Variants in DNAH1 observed in about 807,000 individuals in gnomAD.
DNAH1 encodes the protein axonemal beta dynein heavy chain 1.
DNAH1 carries 327 observed loss-of-function variants against 484.3 expected under a neutral mutation model. The ratio of observed to expected loss-of-function variants is 0.68; its 90% CI spans 0.62 to 0.74. The LOEUF (loss-of-function observed/expected upper bound fraction) is 0.74. Ranked by LOEUF, DNAH1 falls within the 30% of genes least tolerant of loss-of-function variation. The pLI is 0.00. For missense variants in DNAH1, 5,052 were observed against 5,546.8 expected (o/e 0.91, Z 2.83); for synonymous variants, 2,192 against 2,191.9 (o/e 1.00, Z 0.00).
chr3:52,399,506 A>G (rs778018800), intron 76 of DNAH1, 39 bp from the exon 77 acceptor site: 1 of 1,525,256 alleles, frequency 6.6e-7, no homozygotes. Context: ...GATTCTGGGT[A>G]TTGTTATGTG....
rs769647956 is a variant in DNAH1 at position 52,378,640 on chromosome 3, G to A, written c.7237G>A (p.Val2413Met). 3.7e-6 allele frequency: 6 copies of A among 1,613,554 alleles called. No individual in the cohort carries two copies. In the Admixed American group the frequency reaches 1.0e-4, roughly 27 times the overall value. ...CATTGCCCACTTCACGGAGCCCCTT[G>A]TGGAAGCCACCATCATGGTGTATGC... The part of the protein sequence containing the change: ...PHIAHFTEPL[V>M]EATIMVYATI... Residue 2413 changes from valine (V) to methionine (M), a missense_variant, in exon 47 of 78, where the codon GTG (valine) becomes ATG (methionine). Around this residue, in one of 4 missense-constraint regions of DNAH1, gnomAD observed 2,929 missense variants for 3,409.4 expected, o/e 0.86. Coordinates refer to ENST00000420323, the MANE Select transcript of DNAH1 (RefSeq NM_015512.5).
In DNAH1 at chr3:52,356,645, G is replaced by C. The variant is rs574664508; in HGVS notation, c.3725G>C (p.Arg1242Pro). ...CTGGAGGAGTGGCTGAACTGTCAGC[G>C]GTCCTGGCTCTACCTGGAGCCCATC... ...EVLEEWLNCQ[R>P]SWLYLEPIFS... The change falls in exon 22 of 78, where the codon CGG (arginine) becomes CCG (proline). Residue 1242 changes from arginine to proline, a missense_variant. Arg to Pro is a moderately radical substitution (Grantham distance 103). This residue lies in a region of DNAH1 where 2,929 missense variants were observed against 3,409.4 expected (regional missense o/e 0.86). Transcript: ENST00000420323. 4 of 1,613,716 alleles carry C rather than the reference G, an allele frequency of 2.5e-6. No individual in the cohort carries two copies. The Admixed American group carries it at 6.7e-5, about 27-fold the overall frequency.
chr3:52,381,642 G>T lies in DNAH1; in HGVS notation c.7611G>T (p.Met2537Ile), dbSNP rs751336571. 1 of 1,602,280 alleles carries T rather than the reference G, an allele frequency of 6.2e-7. No homozygotes were observed. Among genetic ancestry groups the T allele is most frequent in the Non-Finnish European group, 8.5e-7 (1 of 1,173,458 alleles). Reference protein sequence around the residue: ...SYELITSESKMMQVIEEYIED... With the variant: ...SYELITSESKIMQVIEEYIED... ...CCCATCCTCGCCTTGGTGCACAGATGATGCAGGTGATAGAGGAGTACATAG... is the reference window on the plus strand; with the variant it reads ...CCCATCCTCGCCTTGGTGCACAGATTATGCAGGTGATAGAGGAGTACATAG... Residue 2537 changes from methionine (M) to isoleucine (I), a missense_variant and splice_region_variant, in exon 49 of 78, where the codon ATG becomes ATT. Coordinates refer to ENST00000420323, the MANE Select transcript of DNAH1 (RefSeq NM_015512.5). This position sits in a 1 kb window ranked among gnomAD's most constrained non-coding sequence, Gnocchi z 4.1.
In DNAH1 at chr3:52,382,300, A is replaced by C. The variant is rs1401360199; in HGVS notation, c.7806-20A>C. 1 of 1,613,902 alleles carries C rather than the reference A, an allele frequency of 6.2e-7. No homozygotes were observed. The highest frequency in any genetic ancestry group is 1.3e-5 in the African/African-American group (1 of 75,018). On this transcript the variant is annotated intron_variant, in intron 49 of 77. Transcript: ENST00000420323. ...GGCCCCAAGTCCCTGGCATGCTTCA[A>C]CCCAAACTTCTGCCTCCAGGGCCGA...
rs1703202197 is a variant in DNAH1 at position 52,368,941 on chromosome 3, CCACTCTCCTCCAAGG to C, written c.5943+25_5943+39del. ...GAGGTGCACCTACCTGTCCACCTGC[CCACTCTCCTCCAAGG>C]CTGGGTGGGCCTGGAGGCTGCATCA... On this transcript the variant is annotated intron_variant, in intron 37 of 77. Coordinates refer to ENST00000420323, the MANE Select transcript of DNAH1 (RefSeq NM_015512.5). This position sits in a 1 kb window ranked among gnomAD's most constrained non-coding sequence, Gnocchi z 4.4. The C allele has an allele frequency of 1.2e-6, 2 of 1,606,192 alleles. No homozygotes were observed. The highest frequency in any genetic ancestry group is 4.5e-5 in the East Asian group (2 of 44,614).
rs142595873 is a variant in DNAH1, at chr3:52,356,756, A to G, written c.3836A>G (p.Lys1279Arg). The change falls in exon 22 of 78, where the codon AAG (lysine) becomes AGG (arginine). Residue 1279 changes from lysine (K) to arginine (R), a missense_variant. Around this residue, in one of 4 missense-constraint regions of DNAH1, gnomAD observed 2,929 missense variants for 3,409.4 expected, o/e 0.86. Transcript: ENST00000420323. ...TMERIWKKIM[K>R]NAYENREVIN... ...GAGCGGATCTGGAAGAAGATCATGA[A>G]GAATGCCTACGAGAACCGGGAGGCA... 3.0e-4 allele frequency: 476 copies of G among 1,612,136 alleles called. 4 individuals are homozygous for G. The East Asian group carries it at 9.1e-3, about 31-fold the overall frequency.
Position 52,394,943 on chromosome 3 carries a change from T to C in DNAH1, c.10852T>C (p.Tyr3618His), listed in dbSNP as rs199603472. ...GCCTTTGCCTGGCATCTGGGACCAG[T>C]ACCTAGACCAGTTCCAGAAGCTGCT... Reference protein sequence around the residue: ...REPLPGIWDQYLDQFQKLLVL... With the variant: ...REPLPGIWDQHLDQFQKLLVL... Residue 3618 changes from tyrosine (Y) to histidine (H), a missense_variant, in exon 68 of 78, where the codon TAC becomes CAC. Physicochemically the swap from Tyr to His is moderately conservative, Grantham distance 83 (BLOSUM62 2). Transcript: ENST00000420323. 2.1e-4 allele frequency: 335 copies of C among 1,613,624 alleles called. 2 individuals carry two copies. The African/African-American group carries it at 3.9e-3, about 19-fold the overall frequency.
In DNAH1 at chr3:52,384,990, G is replaced by A. The variant is rs111312769; in HGVS notation, c.8514+13G>A. 3.6e-3 allele frequency: 5,767 copies of A among 1,606,802 alleles called. 175 individuals are homozygous for A. The African/African-American group carries it at 0.067, about 19-fold the overall frequency. The stretch of plus-strand genomic sequence containing the variant: ...CGGCCTCGACAAGGTGGGCCCAGGC[G>A]AGTCCCCGTGGACAAGGTCAGCTGC... On this transcript the variant is annotated intron_variant, in intron 53 of 77. Transcript: ENST00000420323.
rs760384739 is a variant in DNAH1, at chr3:52,349,253, C to T, written c.2359C>T (p.Leu787=). The change falls in exon 14 of 78, where the codon CTG becomes TTG. Residue 787 remains leucine, a synonymous_variant. Transcript: ENST00000420323. ...GGTGCGGGAGGTAGTGCTCACCCACCTGCGGGAGAAGGAGATCCTGGACAG... is the reference window on the plus strand; with the variant it reads ...GGTGCGGGAGGTAGTGCTCACCCACTTGCGGGAGAAGGAGATCCTGGACAG... The part of the protein sequence containing the change: ...QEVREVVLTH[L]REKEILDSSL... 46 of 1,613,870 alleles carry T rather than the reference C, an allele frequency of 2.9e-5. No homozygotes were observed. Among genetic ancestry groups the T allele is most frequent in the Middle Eastern group, 1.6e-4 (1 of 6,084 alleles).
chr3:52,327,983 C>T lies in DNAH1; in HGVS notation c.840C>T (p.Ala280=). The T allele has an allele frequency of 6.2e-7, 1 of 1,613,940 alleles. No homozygotes were observed. Among genetic ancestry groups the T allele is most frequent in the Non-Finnish European group, 8.5e-7 (1 of 1,179,838 alleles). ...SLDRKPVPGK[A]LLPTDDFLGH... ...ACAGGAAACCTGTCCCGGGAAAAGC[C>T]CTCTTGCCCACTGATGACTTCCTGG... The change falls in exon 6 of 78, where the codon GCC becomes GCT. Residue 280 remains alanine (A), a synonymous_variant. Transcript: ENST00000420323.
upstream of DNAH1, among the ~76,000 whole-genome samples, chr3:52,313,956 C>T (rs191882875): frequency 6.6e-6 from 1 of 152,188 alleles, no homozygotes; most frequent in African/African-American, 2.4e-5. Context: ...AGGCCTCCTG[C>T]CCCGTCCAGA....
intron 77 of DNAH1, 85 bp from the exon 78 acceptor site, chr3:52,400,240 G>C (rs1704849712): frequency 6.4e-7 from 1 of 1,568,194 alleles, no homozygotes; most frequent in Non-Finnish European, 8.7e-7. Context: ...CCTCAGCTTA[G>C]TCTGCCCACT....
rs377216873 is a variant in DNAH1, at chr3:52,357,036, T to G, written c.3858+258T>G. 6.2e-3 allele frequency among the ~76,000 whole-genome samples: 941 copies of G among 151,122 alleles called. 7 individuals carry two copies. The highest frequency in any genetic ancestry group is 0.016 in the East Asian group (82 of 5,182). On this transcript the variant is annotated intron_variant, in intron 22 of 77. Coordinates refer to ENST00000420323, the MANE Select transcript of DNAH1 (RefSeq NM_015512.5). ...TTTTTTTGTTTGTCTGTTTTTTTTT[T>G]TTTGTTTTTTTTTTTGAAACAGAGT...
Position 52,358,587 on chromosome 3 carries a change from G to T in DNAH1, c.4116G>T (p.Thr1372=). ...TATTCCAGGAGGACCTGGAGATCACGCACATGTACTCAGCCGAGGGGGAGG... is the reference window on the plus strand; with the variant it reads ...TATTCCAGGAGGACCTGGAGATCACTCACATGTACTCAGCCGAGGGGGAGG... ...RLLFQEDLEI[T]HMYSAEGEEV... is the part of the protein sequence containing the mutation. The change falls in exon 25 of 78, where the codon ACG becomes ACT. Residue 1372 remains threonine (T), a synonymous_variant. Transcript: ENST00000420323. This position sits in a 1 kb window ranked among gnomAD's most constrained non-coding sequence, Gnocchi z 4.2. The T allele has an allele frequency of 6.2e-7, 1 of 1,612,138 alleles. No homozygotes were observed. Among genetic ancestry groups the T allele is most frequent in the Non-Finnish European group, 8.5e-7 (1 of 1,179,288 alleles).
At chr3:52,356,515 A>G (rs1187666612) in intron 21 of DNAH1, 99 bp from the exon 22 acceptor site, 3 of 1,285,106 alleles carry the variant, frequency 2.3e-6, no homozygotes, top group Non-Finnish European at 3.3e-6. Flanking sequence ...TGCTCTGCCC[A>G]ACATGCTGGT....
At chr3:52,352,728 C>G (rs1219753823) in intron 18 of DNAH1, 21 bp downstream of exon 18, 1 of 1,601,464 alleles carries the variant, frequency 6.2e-7, no homozygotes, top group East Asian at 2.2e-5. Context: ...TGCAGGCACC[C>G]TGCCCCCATG....
In DNAH1 at chr3:52,353,716, T is replaced by G. The variant is rs933304064; in HGVS notation, c.3480+83T>G. On this transcript the variant is annotated intron_variant, in intron 20 of 77. Transcript: ENST00000420323. The surrounding 1 kb of genome is among the most constrained non-coding windows in gnomAD (Gnocchi z 5.0). ...CTCCTGCTCTGGCAACCACAGCCAC[T>G]TGGGAGGATGACAGTAATAAGCCCC... is the stretch of plus-strand genomic sequence containing the variant. 9.2e-6 allele frequency: 14 copies of G among 1,529,758 alleles called. No individual in the cohort carries two copies. The highest frequency in any genetic ancestry group is 1.2e-5 in the Non-Finnish European group (14 of 1,137,930). 94.8% of individuals were successfully genotyped at this position (1,529,758 alleles called of 1,614,324 possible).
At chr3:52,323,368 C>A (rs564686640) in intron 2 of DNAH1, among the ~76,000 whole-genome samples, 1 of 152,236 alleles carries the variant, frequency 6.6e-6, no homozygotes, top group South Asian at 2.1e-4. Context: ...AATTCAGAGT[C>A]CTGTAGGTCC....
At chr3:52,366,945 G>T (rs1703105948) in intron 36 of DNAH1, 58 bp downstream of exon 36, 2 of 1,554,098 alleles carry the variant, frequency 1.3e-6, no homozygotes, top group Admixed American at 3.6e-5. Context: ...TGGAGGCTGT[G>T]GGCTGCGGTC....
Sources: gnomAD v4.1 joint callset for allele counts (sites outside exome capture counted in the v4.1 genomes callset) on GRCh38, gnomAD v4.1.1 for gene constraint, gnomAD v4.1.1 regional missense constraint, Gnocchi (gnomAD v3.1) non-coding constraint, MANE v1.5 for transcripts, NCBI Gene and HGNC (gene_info 2026-07-23, HGNC 2026-07-21) for gene names.